Variants in GRIA4 observed in about 807,000 individuals in gnomAD.
The protein encoded by GRIA4 is glutamate receptor 4.
Under a neutral mutation model 104.0 loss-of-function variants are expected in GRIA4, and 34 were observed. The ratio of observed to expected loss-of-function variants is 0.33; its 90% CI spans 0.25 to 0.44. The LOEUF is 0.44. GRIA4 is among the 20% of genes least tolerant of loss of function. The probability of loss-of-function intolerance (pLI) is 1.00; values close to 1 mark genes in which losing one functional copy is unlikely to be tolerated. For missense variants in GRIA4, 750 were observed against 1,096.5 expected (o/e 0.68, Z 4.46); for synonymous variants, 386 against 381.9 (o/e 1.01, Z -0.13).
chr11:105,701,239 A>G lies in GRIA4; in HGVS notation c.248-51742A>G, dbSNP rs142056951. ...ATTGCTTGCTTACTTTGCTTTTTTA[A>G]CCGCTAGCTTACAAATATATCTTCT... On this transcript the variant is annotated intron_variant, in intron 3 of 16. Transcript: ENST00000282499. Among the ~76,000 whole-genome samples the G allele has an allele frequency of 1.9e-3, 287 of 152,238 alleles. 1 individual carries two copies. Among genetic ancestry groups the G allele is most frequent in the Non-Finnish European group, 3.5e-3 (235 of 68,012 alleles).
chr11:105,721,307 T>G (rs181355864), intron 3 of GRIA4, among the ~76,000 whole-genome samples: 2 of 152,250 alleles, frequency 1.3e-5, no homozygotes, highest in Non-Finnish European at 2.9e-5. Context: ...GAGTAGCACT[T>G]AAGACCCGAG....
chr11:105,765,883 T>G (rs762746124), intron 4 of GRIA4, among the ~76,000 whole-genome samples: 121 of 152,208 alleles, frequency 7.9e-4, no homozygotes, highest in Non-Finnish European at 1.3e-3. Flanking sequence ...AAAAAATGAT[T>G]ACTTCAATAG....
intron 14 of GRIA4, among the ~76,000 whole-genome samples, chr11:105,945,142 C>T (rs1264397392): frequency 1.3e-5 from 2 of 152,046 alleles, no homozygotes; most frequent in Non-Finnish European, 2.9e-5. Flanking sequence ...CAGGTGCCCA[C>T]CATGATGCGC....
chr11:105,971,203 G>C (rs533047247), intron 14 of GRIA4, among the ~76,000 whole-genome samples: 97 of 152,136 alleles, frequency 6.4e-4, no homozygotes, highest in Non-Finnish European at 2.9e-4. Flanking sequence ...ATAAATAGAT[G>C]ATAGATTCAA....
At position 105,705,547 on chromosome 11, in the gene GRIA4, T is replaced by C. The variant is rs1011759836; in HGVS notation, c.248-47434T>C. ...ATCTCCCCAGTACATAAAGAACACA[T>C]AAAATTGAAGGAAAAAGGATCAATA... On this transcript the variant is annotated intron_variant, in intron 3 of 16. Transcript: ENST00000282499. 4.0e-5 allele frequency among the ~76,000 whole-genome samples: 6 copies of C among 151,234 alleles called. 1 individual carries two copies. In the South Asian group the frequency reaches 1.3e-3, roughly 32 times the overall value.
At position 105,910,485 on chromosome 11, in the gene GRIA4, A is replaced by G. The variant is rs764688031; in HGVS notation, c.1209A>G (p.Pro403=). The stretch of plus-strand genomic sequence containing the variant: ...AGTTAGTCTTGATTCAAGATGTACC[A>G]ACTCTTGGCAATGACACAGCTGCTA... ...MDKLVLIQDV[P]TLGNDTAAIE... Residue 403 remains proline (P), a synonymous_variant, in exon 10 of 17, where the codon CCA becomes CCG. Coordinates refer to ENST00000282499, the MANE Select transcript of GRIA4 (RefSeq NM_000829.4). The G allele has an allele frequency of 4.4e-6, 7 of 1,603,466 alleles. No homozygotes were observed. The highest frequency in any genetic ancestry group is 1.6e-4 in the Middle Eastern group (1 of 6,062).
chr11:105,723,632 G>A (rs865914732), intron 3 of GRIA4, among the ~76,000 whole-genome samples: 16 of 151,910 alleles, frequency 1.1e-4, no homozygotes, highest in East Asian at 3.9e-4. Flanking sequence ...CAGCTTCCTC[G>A]TCATCCTTGA....
intron 3 of GRIA4, among the ~76,000 whole-genome samples, chr11:105,620,658 C>A (rs1337473189): frequency 6.6e-6 from 1 of 151,824 alleles, no homozygotes; most frequent in African/African-American, 2.4e-5. Context: ...ATTTCAGAAT[C>A]CAAAACTGTA....
chr11:105,757,129 T>C (rs952484967), intron 4 of GRIA4, among the ~76,000 whole-genome samples: 6 of 152,208 alleles, frequency 3.9e-5, no homozygotes, highest in African/African-American at 7.2e-5. Flanking sequence ...GCAACATTTA[T>C]TACTTGCCTT....
At chr11:105,777,418 T>C (rs1419749501) in intron 4 of GRIA4, among the ~76,000 whole-genome samples, 2 of 152,194 alleles carry the variant, frequency 1.3e-5, no homozygotes, top group South Asian at 4.1e-4. Flanking sequence ...TATTCGAATA[T>C]ATCACTCCCA....
chr11:105,714,319 A>G (rs1278242287), intron 3 of GRIA4, among the ~76,000 whole-genome samples: 1 of 152,110 alleles, frequency 6.6e-6, no homozygotes, highest in African/African-American at 2.4e-5. Context: ...ATGTGAAAAA[A>G]TTCTGCTAGA....
intron 3 of GRIA4, among the ~76,000 whole-genome samples, chr11:105,634,479 AAG>A (rs1353694108): frequency 1.7e-5 from 1 of 57,474 alleles, no homozygotes; most frequent in Non-Finnish European, 4.7e-5. Flanking sequence ...GAAAGAAAGA[AAG>A]AAAGAAAGAA....
intron 3 of GRIA4, among the ~76,000 whole-genome samples, chr11:105,701,468 C>T (rs1227163772): frequency 4.6e-5 from 7 of 152,162 alleles, no homozygotes; most frequent in Admixed American, 4.6e-4. Context: ...TATGTAACTG[C>T]ATGATTTTAA....
intron 3 of GRIA4, among the ~76,000 whole-genome samples, chr11:105,730,904 A>C (rs942733527): frequency 2.0e-5 from 3 of 152,204 alleles, no homozygotes; most frequent in Non-Finnish European, 4.4e-5. Flanking sequence ...TTTAAATGTA[A>C]GACCTAAAAC....
At chr11:105,665,665 A>C (rs1357567886) in intron 3 of GRIA4, among the ~76,000 whole-genome samples, 1 of 152,000 alleles carries the variant, frequency 6.6e-6, no homozygotes, top group African/African-American at 2.4e-5. Flanking sequence ...AATACAGCCA[A>C]AATAAAAGGC....
chr11:105,688,105 T>C lies in GRIA4; in HGVS notation c.248-64876T>C, dbSNP rs575528863. On this transcript the variant is annotated intron_variant, in intron 3 of 16. Coordinates refer to ENST00000282499, the MANE Select transcript of GRIA4 (RefSeq NM_000829.4). Reference sequence around the variant, plus strand: ...TCAAATATTCTCTCTCTCTGTCTCATATCTATATCTATATCTATATCTATA... The same window carrying C: ...TCAAATATTCTCTCTCTCTGTCTCACATCTATATCTATATCTATATCTATA... Among the ~76,000 whole-genome samples, 4 of 76,698 alleles carry C rather than the reference T, an allele frequency of 5.2e-5. No homozygotes were observed. In the South Asian group the frequency reaches 1.7e-3, roughly 32 times the overall value. 50.3% of individuals were successfully genotyped at this position (76,698 alleles called of 152,430 possible). A position where few individuals can be genotyped will look rare whatever the true frequency, so the allele number is the denominator to read the frequency against.
chr11:105,729,312 G>A (rs746164051), intron 3 of GRIA4, among the ~76,000 whole-genome samples: 6 of 152,096 alleles, frequency 3.9e-5, no homozygotes, highest in Non-Finnish European at 8.8e-5. Context: ...GGAAGAAGTT[G>A]AATCCCTGAA....
chr11:105,738,631 A>C (rs1939107989), intron 3 of GRIA4, among the ~76,000 whole-genome samples: 1 of 152,164 alleles, frequency 6.6e-6, no homozygotes, highest in African/African-American at 2.4e-5. Context: ...ACCCACTTCC[A>C]AAATGCATTT....
chr11:105,938,922 A>G (rs1948117745), intron 14 of GRIA4, among the ~76,000 whole-genome samples: 1 of 152,202 alleles, frequency 6.6e-6, no homozygotes, highest in African/African-American at 2.4e-5. Flanking sequence ...TCACTACACT[A>G]GGAAGGATGA....
Sources: gnomAD v4.1 joint callset for allele counts (sites outside exome capture counted in the v4.1 genomes callset) on GRCh38, gnomAD v4.1.1 for gene constraint, MANE v1.5 for transcripts, NCBI Gene and HGNC (gene_info 2026-07-23, HGNC 2026-07-21) for gene names.